THRB: variants seen among roughly 807,000 people sequenced by gnomAD.
THRB encodes thyroid hormone receptor beta.
THRB carries 12 observed loss-of-function variants against 47.8 expected under a neutral mutation model. The observed-to-expected ratio is 0.25, with a 90% confidence interval of 0.16 to 0.41. THRB has a LOEUF of 0.41. Ranked by LOEUF, THRB falls within the 10% of genes least tolerant of loss-of-function variation. The probability of loss-of-function intolerance (pLI) is 1.00; values close to 1 mark genes in which losing one functional copy is unlikely to be tolerated. For synonymous variants in THRB, 218 were observed against 212.2 expected (o/e 1.03, Z -0.24); for missense variants, 348 against 589.2 (o/e 0.59, Z 4.24).
At chr3:24,417,142 G>GCA (rs2068822524) in intron 1 of THRB, among the ~76,000 whole-genome samples, 2 of 113,280 alleles carry the variant, frequency 1.8e-5, no homozygotes, top group Non-Finnish European at 3.8e-5. Flanking sequence ...ACACACACGC[G>GCA]CAACGCGTTA....
chr3:24,323,968 C>T (rs1268805017), intron 2 of THRB, among the ~76,000 whole-genome samples: 2 of 152,186 alleles, frequency 1.3e-5, no homozygotes, highest in African/African-American at 2.4e-5. Context: ...TAATGTGCTA[C>T]ATCTGTTAAT....
intron 5 of THRB, among the ~76,000 whole-genome samples, chr3:24,181,469 C>T (rs528595231): frequency 2.0e-5 from 3 of 152,326 alleles, no homozygotes; most frequent in South Asian, 2.1e-4. Flanking sequence ...CCCTAAGATA[C>T]GATGCAGCAG....
intron 10 of THRB, among the ~76,000 whole-genome samples, chr3:24,126,572 A>G (rs777195706): frequency 2.0e-4 from 30 of 152,356 alleles, no homozygotes; most frequent in Non-Finnish European, 2.8e-4. Flanking sequence ...CTCAAAAAAA[A>G]GAAGTCCACA....
chr3:24,161,789 T>C (rs1208385460), intron 5 of THRB, among the ~76,000 whole-genome samples: 1 of 152,046 alleles, frequency 6.6e-6, no homozygotes, highest in Non-Finnish European at 1.5e-5. Context: ...CAACAACATA[T>C]ACAATCAGAA....
intron 1 of THRB, among the ~76,000 whole-genome samples, chr3:24,412,427 C>T (rs1287593243): frequency 6.6e-6 from 1 of 151,632 alleles, no homozygotes; most frequent in Non-Finnish European, 1.5e-5. Context: ...ATGGATTACT[C>T]AATAATAATG....
At chr3:24,331,103 T>G (rs1004135127) in intron 2 of THRB, among the ~76,000 whole-genome samples, 2 of 151,964 alleles carry the variant, frequency 1.3e-5, no homozygotes, top group Non-Finnish European at 1.5e-5. Context: ...CATAGATGAG[T>G]CTTGATTTTG....
intron 1 of THRB, among the ~76,000 whole-genome samples, chr3:24,339,861 C>T (rs1352460836): frequency 2.0e-5 from 3 of 152,190 alleles, no homozygotes; most frequent in Non-Finnish European, 4.4e-5. Flanking sequence ...GAGAATCACT[C>T]CCTGGGACAG....
chr3:24,361,016 C>A lies in THRB; in HGVS notation c.-260-23645G>T, dbSNP rs375635411. On this transcript the variant is annotated intron_variant, in intron 1 of 10. Transcript: ENST00000646209. ...CTCCTACAGCTCCAGCTGATGGTTG[C>A]TATGGAGAAATTTGGGCAGAGGAAT... Among the ~76,000 whole-genome samples the A allele has an allele frequency of 1.4e-4, 21 of 152,190 alleles. No homozygotes were observed. The East Asian group carries it at 1.9e-3, about 14-fold the overall frequency.
intron 3 of THRB, among the ~76,000 whole-genome samples, chr3:24,277,436 G>A (rs1019475252): frequency 1.3e-5 from 2 of 152,106 alleles, no homozygotes; most frequent in African/African-American, 2.4e-5. Flanking sequence ...AGAAACCCAC[G>A]TCTCTGAGTC....
intron 1 of THRB, among the ~76,000 whole-genome samples, chr3:24,448,206 G>A (rs2072294941): frequency 6.6e-6 from 1 of 151,974 alleles, no homozygotes; most frequent in Admixed American, 6.6e-5. Flanking sequence ...GGTTTTCACT[G>A]GCGATTTATC....
intron 1 of THRB, among the ~76,000 whole-genome samples, chr3:24,434,987 GA>G (rs1293963369): frequency 1.3e-5 from 2 of 152,166 alleles, no homozygotes; most frequent in African/African-American, 4.8e-5. Context: ...GATTTTTTAA[GA>G]AAATAGGTAA....
At chr3:24,235,324 T>C (rs2048748339) in intron 3 of THRB, among the ~76,000 whole-genome samples, 1 of 152,176 alleles carries the variant, frequency 6.6e-6, no homozygotes, top group African/African-American at 2.4e-5. Context: ...AAGGGGCATC[T>C]GTAAAAATTA....
chr3:24,232,443 T>C (rs1559679616), intron 3 of THRB, among the ~76,000 whole-genome samples: 1 of 152,204 alleles, frequency 6.6e-6, no homozygotes, highest in South Asian at 2.1e-4. Context: ...GGAAAGGTCA[T>C]TTCTACTTGG....
chr3:24,435,434 A>T (rs2070843679), intron 1 of THRB, among the ~76,000 whole-genome samples: 1 of 152,178 alleles, frequency 6.6e-6, no homozygotes, highest in African/African-American at 2.4e-5. Context: ...CTGCTGTGCC[A>T]AATGTGGCAA....
chr3:24,456,181 A>T (rs73036410), intron 1 of THRB, among the ~76,000 whole-genome samples: 31,421 of 151,678 alleles, frequency 0.21, 3,520 homozygotes, highest in Middle Eastern at 0.28. Context: ...AAAATTTTTT[A>T]AAAATTAACT....
chr3:24,132,419 A>G (rs543672086), intron 9 of THRB, among the ~76,000 whole-genome samples: 8 of 152,380 alleles, frequency 5.3e-5, no homozygotes, highest in African/African-American at 1.9e-4. Flanking sequence ...CAGTTAAACT[A>G]TGGAATACTT....
intron 6 of THRB, among the ~76,000 whole-genome samples, chr3:24,149,708 T>A (rs6808673): frequency 0.46 from 69,416 of 151,952 alleles, 16,223 homozygotes; most frequent in African/African-American, 0.53. Context: ...TTGGCCTTTC[T>A]TAAGCTATAA....
intron 3 of THRB, among the ~76,000 whole-genome samples, chr3:24,287,214 C>T (rs529748844): frequency 1.3e-5 from 2 of 152,212 alleles, no homozygotes; most frequent in East Asian, 1.9e-4. Context: ...CCCTACCCAG[C>T]GCCTTCAGCT....
chr3:24,210,197 A>G (rs181494864), intron 4 of THRB, among the ~76,000 whole-genome samples: 66 of 152,288 alleles, frequency 4.3e-4, no homozygotes, highest in African/African-American at 1.6e-3. Flanking sequence ...CCTATCTACA[A>G]CTGCCTCAAT....
Sources: allele counts gnomAD v4.1 joint callset (sites outside exome capture counted in the v4.1 genomes callset), GRCh38; gene constraint gnomAD v4.1.1; transcripts MANE v1.5; gene names NCBI Gene and HGNC (gene_info 2026-07-23, HGNC 2026-07-21).